Variants in COA8 observed in about 807,000 individuals in gnomAD.
COA8 encodes UPF0671 protein C14orf153.
Under a neutral mutation model 22.0 loss-of-function variants are expected in COA8, and 20 were observed. The ratio of observed to expected loss-of-function variants is 0.91; its 90% CI spans 0.64 to 1.32. The LOEUF (loss-of-function observed/expected upper bound fraction) is 1.32. COA8 is among the 40% of genes most tolerant of loss of function. The pLI, the probability that COA8 is intolerant of heterozygous loss-of-function variation, is 0.00. For missense variants in COA8, 266 were observed against 230.0 expected, an observed-to-expected ratio of 1.16 and a Z score of -1.01; for synonymous variants, 105 against 79.9, an observed-to-expected ratio of 1.31 and a Z score of -1.68.
At chr14:103,574,451 C>A in intron 3 of COA8, 1 of 590,820 alleles carries the variant, frequency 1.7e-6, no homozygotes, top group Non-Finnish European at 3.2e-6. Context: ...TCAGCCTTTG[C>A]AGCTTCTCCC....
chr14:103,590,263 A>G lies in COA8; in HGVS notation c.559A>G (p.Lys187Glu), dbSNP rs2076341006. The G allele has an allele frequency of 1.2e-6, 2 of 1,613,994 alleles. No individual in the cohort carries two copies. The highest frequency in any genetic ancestry group is 1.3e-5 in the African/African-American group (1 of 74,954). ...AAGGATTTGGAACAAGCTTAAACAG[A>G]AACAAAAGAAGAGGAGCAACTAGGA... is the stretch of plus-strand genomic sequence containing the variant. ...LERIWNKLKQ[K>E]QKKRSN The change falls in exon 5 of 5, where the codon AAA becomes GAA. Residue 187 changes from lysine to glutamate, a missense_variant. Physicochemically the swap from Lys to Glu is moderately conservative, Grantham distance 56 (BLOSUM62 1). Coordinates refer to ENST00000409074, the MANE Select transcript of COA8 (RefSeq NM_001370595.2).
intron 1 of COA8, among the ~76,000 whole-genome samples, chr14:103,564,262 C>G (rs898640033): frequency 7.2e-5 from 11 of 152,160 alleles, no homozygotes; most frequent in African/African-American, 2.7e-4. Flanking sequence ...GAAGGTCTAT[C>G]TAGTTTACAA....
At chr14:103,577,474 A>G (rs536698180) in intron 3 of COA8, among the ~76,000 whole-genome samples, 1 of 152,282 alleles carries the variant, frequency 6.6e-6, no homozygotes, top group Admixed American at 6.5e-5. Context: ...AGTTACATCA[A>G]AGGTGGATGG....
intron 1 of COA8, among the ~76,000 whole-genome samples, chr14:103,566,672 C>CAGG (rs1231396396): frequency 6.6e-6 from 1 of 152,210 alleles, no homozygotes; most frequent in Non-Finnish European, 1.5e-5. Flanking sequence ...CTAACACATG[C>CAGG]CTCCCTGGTG....
At chr14:103,571,408 C>T (rs1340771490) in intron 1 of COA8, among the ~76,000 whole-genome samples, 1 of 151,862 alleles carries the variant, frequency 6.6e-6, no homozygotes, top group Non-Finnish European at 1.5e-5. Context: ...GGTTGAGTTT[C>T]GGGAAAGGGC....
chr14:103,576,446 CAG>C (rs1230338549), intron 3 of COA8, among the ~76,000 whole-genome samples: 2 of 152,172 alleles, frequency 1.3e-5, no homozygotes, highest in African/African-American at 2.4e-5. Context: ...AGGGTGAAGA[CAG>C]AGATATTCAA....
At chr14:103,588,015 C>A (rs1371944795) in intron 4 of COA8, 1 of 242,288 alleles carries the variant, frequency 4.1e-6, no homozygotes, top group East Asian at 6.9e-5. Flanking sequence ...GCTCCGGAGG[C>A]TCAGTCAGGA....
intron 1 of COA8, among the ~76,000 whole-genome samples, chr14:103,571,100 C>T (rs2076180628): frequency 6.6e-6 from 1 of 152,178 alleles, no homozygotes; most frequent in African/African-American, 2.4e-5. Context: ...TGGCACCTTA[C>T]CAGAATTCAG....
At chr14:103,565,387 G>A (rs1229485543) in intron 1 of COA8, among the ~76,000 whole-genome samples, 1 of 152,074 alleles carries the variant, frequency 6.6e-6, no homozygotes, top group African/African-American at 2.4e-5. Flanking sequence ...AAAAAATTAA[G>A]ACTTTTAAAT....
Position 103,568,631 on chromosome 14 carries a change from A to G in COA8, c.124-2992A>G, listed in dbSNP as rs1392805744. Among the ~76,000 whole-genome samples the G allele has an allele frequency of 5.4e-3, 797 of 147,052 alleles. 6 individuals carry two copies. Among genetic ancestry groups the G allele is most frequent in the African/African-American group, 0.018 (729 of 40,178 alleles). ...TATATATGTGTGTGTGTATATATAT[A>G]TATATATATATATATAGTGACAGGG... On this transcript the variant is annotated intron_variant, in intron 1 of 4. Transcript: ENST00000409074.
chr14:103,575,152 G>A (rs1157143155), intron 3 of COA8, among the ~76,000 whole-genome samples: 2 of 152,366 alleles, frequency 1.3e-5, no homozygotes, highest in South Asian at 2.1e-4. Flanking sequence ...GTGTGCGTAC[G>A]TGCACGTGTG....
rs2076342427 is a variant in COA8 at position 103,590,402 on chromosome 14, G to T, written c.*116G>T. 9.6e-7 allele frequency: 1 copy of T among 1,041,458 alleles called. No homozygotes were observed. The highest frequency in any genetic ancestry group is 2.5e-5 in the East Asian group (1 of 39,554). The allele number at this position is 1,041,458 out of a possible 1,614,324, so 64.5% of individuals were successfully genotyped here. Reference sequence around the variant, plus strand: ...CTCAAGAAGCCCCACATCTTCCTAAGGGGCCCCATGGCCTGTTTGGGGGCA... The same window carrying T: ...CTCAAGAAGCCCCACATCTTCCTAATGGGCCCCATGGCCTGTTTGGGGGCA... On this transcript the variant is annotated 3_prime_UTR_variant, in exon 5 of 5. Transcript: ENST00000409074.
At chr14:103,568,486 CACATATATATACACACATGTAT>C (rs2076152523) in intron 1 of COA8, among the ~76,000 whole-genome samples, 1 of 151,756 alleles carries the variant, frequency 6.6e-6, no homozygotes, top group Non-Finnish European at 1.5e-5. Context: ...CATATATACA[CACATATATATACACACATGTAT>C]ACATATATAT....
At chr14:103,587,242 G>A (rs983852311) in intron 3 of COA8, 32 bp from the exon 4 acceptor site, 30 of 1,581,378 alleles carry the variant, frequency 1.9e-5, no homozygotes, top group Non-Finnish European at 2.6e-5. Context: ...TTCTCCTTAA[G>A]TCTTAATGTT....
intron 1 of COA8, among the ~76,000 whole-genome samples, chr14:103,568,490 T>C (rs143889874): frequency 0.014 from 2,070 of 151,676 alleles, 59 homozygotes; most frequent in African/African-American, 0.046. Flanking sequence ...TATACACACA[T>C]ATATATACAC....
At chr14:103,570,538 G>C (rs1270412176) in intron 1 of COA8, among the ~76,000 whole-genome samples, 1 of 152,130 alleles carries the variant, frequency 6.6e-6, no homozygotes, top group South Asian at 2.1e-4. Context: ...TTCAAGATCA[G>C]CCTGGTCAAC....
intron 2 of COA8, 30 bp downstream of exon 2, chr14:103,571,850 G>A (rs1180424634): frequency 6.3e-7 from 1 of 1,595,482 alleles, no homozygotes; most frequent in South Asian, 1.1e-5. Context: ...CAGAACGGAA[G>A]GGTGCGGTGG....
intron 3 of COA8, among the ~76,000 whole-genome samples, chr14:103,579,960 C>A (rs1769282966): frequency 4.6e-5 from 2 of 43,144 alleles, no homozygotes; most frequent in East Asian, 7.6e-4. Flanking sequence ...AAGACTCTGT[C>A]TCAAAAAAAA....
At chr14:103,566,230 C>T (rs922422816) in intron 1 of COA8, among the ~76,000 whole-genome samples, 13 of 151,874 alleles carry the variant, frequency 8.6e-5, no homozygotes, top group Non-Finnish European at 1.9e-4. Context: ...AAGACCAGCC[C>T]GGCCAACATG....
Sources: allele counts gnomAD v4.1 joint callset (sites outside exome capture counted in the v4.1 genomes callset), GRCh38; gene constraint gnomAD v4.1.1; transcripts MANE v1.5; gene names NCBI Gene and HGNC (gene_info 2026-07-23, HGNC 2026-07-21).